FOXP2: variants seen among roughly 807,000 people sequenced by gnomAD.
FOXP2 encodes forkhead box protein P2.
A neutral mutation model predicts 115.8 loss-of-function variants in FOXP2; 12 were observed. That is an observed-to-expected ratio of 0.10 (90% confidence interval 0.07 to 0.17). The LOEUF is 0.17. Ranked by LOEUF, FOXP2 falls within the 10% of genes least tolerant of loss-of-function variation. The pLI, the probability that FOXP2 is intolerant of heterozygous loss-of-function variation, is 1.00. For synonymous variants in FOXP2, 328 were observed against 297.7 expected (o/e 1.10, Z -1.05); for missense variants, 629 against 843.5 (o/e 0.75, Z 3.15).
intron 3 of FOXP2, among the ~76,000 whole-genome samples, chr7:114,579,520 A>G (rs1801732639): frequency 1.3e-5 from 2 of 151,638 alleles, no homozygotes; most frequent in South Asian, 2.1e-4. Flanking sequence ...TTCTTTCCCT[A>G]CCTTCTGCTT....
At chr7:114,562,691 C>A (rs890437887) in intron 3 of FOXP2, among the ~76,000 whole-genome samples, 5 of 152,076 alleles carry the variant, frequency 3.3e-5, no homozygotes, top group African/African-American at 1.2e-4. Flanking sequence ...CTTCCCTTCC[C>A]ACCTTTAAAA....
chr7:114,121,936 G>A (rs899112963), intron 1 of FOXP2, among the ~76,000 whole-genome samples: 1 of 152,054 alleles, frequency 6.6e-6, no homozygotes, highest in Non-Finnish European at 1.5e-5. Flanking sequence ...CCTATTTGAA[G>A]AAACATTGAA....
chr7:114,432,244 A>C (rs930793713), intron 2 of FOXP2, among the ~76,000 whole-genome samples: 2 of 151,992 alleles, frequency 1.3e-5, no homozygotes, highest in Non-Finnish European at 2.9e-5. Flanking sequence ...CATATAGTCT[A>C]CTGTCTTTAG....
intron 2 of FOXP2, among the ~76,000 whole-genome samples, chr7:114,386,319 T>A (rs1032267888): frequency 1.3e-5 from 2 of 152,144 alleles, no homozygotes; most frequent in African/African-American, 4.8e-5. Flanking sequence ...CTGTTATGGG[T>A]TTTTTAAAGC....
intron 2 of FOXP2, chr7:114,297,195 C>A: frequency 2.0e-6 from 1 of 488,870 alleles, no homozygotes. Flanking sequence ...TGGATGTGTC[C>A]CCACCCTTTT....
chr7:114,255,520 G>A (rs1426579599), intron 1 of FOXP2, among the ~76,000 whole-genome samples: 11 of 152,180 alleles, frequency 7.2e-5, no homozygotes, highest in Admixed American at 5.9e-4. Flanking sequence ...GCCTAGCTGC[G>A]GCCTTGCAGT....
intron 1 of FOXP2, among the ~76,000 whole-genome samples, chr7:114,265,877 A>G (rs1455913981): frequency 6.6e-6 from 1 of 151,964 alleles, no homozygotes; most frequent in Non-Finnish European, 1.5e-5. Flanking sequence ...AGGTCCCCTG[A>G]GCCGAGGCTG....
intron 1 of FOXP2, among the ~76,000 whole-genome samples, chr7:114,148,334 A>G (rs1792435168): frequency 6.6e-6 from 1 of 152,038 alleles, no homozygotes; most frequent in Non-Finnish European, 1.5e-5. Flanking sequence ...AACATGATTT[A>G]TTTTTTCTTT....
intron 1 of FOXP2, among the ~76,000 whole-genome samples, chr7:114,237,988 A>G (rs572201564): frequency 1.3e-5 from 2 of 152,284 alleles, no homozygotes; most frequent in Admixed American, 6.5e-5. Context: ...AAACAAACAA[A>G]CAAACTAACA....
intron 2 of FOXP2, among the ~76,000 whole-genome samples, chr7:114,383,230 C>A (rs7779476): frequency 0.42 from 64,284 of 151,936 alleles, 15,620 homozygotes; most frequent in East Asian, 0.62. Flanking sequence ...TCAGGGTTAT[C>A]TGAGAATTTA....
chr7:114,302,644 T>A (rs1390420319), intron 2 of FOXP2, among the ~76,000 whole-genome samples: 1 of 152,152 alleles, frequency 6.6e-6, no homozygotes. Flanking sequence ...TTTGTATAAT[T>A]CCCTTCCAAT....
intron 3 of FOXP2, among the ~76,000 whole-genome samples, chr7:114,536,416 T>G (rs796327566): frequency 0.017 from 2,206 of 128,836 alleles, 32 homozygotes; most frequent in African/African-American, 0.049. Context: ...TTTTTTTTTT[T>G]TTGTTGTTGT....
intron 1 of FOXP2, among the ~76,000 whole-genome samples, chr7:114,100,319 A>G (rs1799749866): frequency 6.6e-6 from 1 of 152,124 alleles, no homozygotes; most frequent in Non-Finnish European, 1.5e-5. Context: ...AAAAATCCAT[A>G]TTTGCTGAAG....
At chr7:114,630,087 C>T in intron 5 of FOXP2, 82 bp downstream of exon 5, 1 of 1,598,424 alleles carries the variant, frequency 6.3e-7, no homozygotes, top group Non-Finnish European at 8.5e-7. Flanking sequence ...CTTAGATCTT[C>T]CTATAACAAG....
At chr7:114,604,292 C>A (rs973212774) in intron 3 of FOXP2, among the ~76,000 whole-genome samples, 11 of 152,148 alleles carry the variant, frequency 7.2e-5, no homozygotes, top group African/African-American at 2.7e-4. Context: ...CCCTCATAAC[C>A]TAATTACCTC....
intron 1 of FOXP2, among the ~76,000 whole-genome samples, chr7:114,113,096 T>C (rs190239391): frequency 3.1e-4 from 47 of 152,290 alleles, no homozygotes; most frequent in Non-Finnish European, 6.5e-4. Context: ...AGAACAAGAA[T>C]TAACACTTTA....
chr7:114,290,863 C>G (rs1527159), intron 2 of FOXP2, among the ~76,000 whole-genome samples: 97,847 of 151,962 alleles, frequency 0.64, 32,388 homozygotes, highest in Middle Eastern at 0.8. Context: ...GTATTTAATA[C>G]AGTTGAATTG....
chr7:114,676,075 A>ATTTTTTTTTTTTT (rs11327459), intron 16 of FOXP2, among the ~76,000 whole-genome samples: 347 of 89,546 alleles, frequency 3.9e-3, no homozygotes, highest in East Asian at 0.011. Flanking sequence ...AGGCCCGGCT[A>ATTTTTTTTTTTTT]TTTTTTTTTT....
At chr7:114,511,271 G>A (rs543729206) in intron 2 of FOXP2, among the ~76,000 whole-genome samples, 1 of 152,174 alleles carries the variant, frequency 6.6e-6, no homozygotes, top group South Asian at 2.1e-4. Context: ...TGGTTGATGG[G>A]TGTAGCAAAC....
Sources: allele counts gnomAD v4.1 joint callset (sites outside exome capture counted in the v4.1 genomes callset), GRCh38; gene constraint gnomAD v4.1.1; transcripts MANE v1.5; gene names NCBI Gene and HGNC (gene_info 2026-07-23, HGNC 2026-07-21).